Variants in PPFIA2 observed in about 807,000 individuals in gnomAD.
PPFIA2 encodes PPFI scaffold protein A2.
In PPFIA2, 46 loss-of-function variants were observed where a neutral mutation model predicts 175.5. The observed-to-expected ratio is 0.26, with a 90% CI of 0.21 to 0.34. The LOEUF (loss-of-function observed/expected upper bound fraction) is 0.34. Ranked by LOEUF, PPFIA2 falls within the 10% of genes least tolerant of loss-of-function variation. PPFIA2 has a pLI of 1.00. For synonymous variants in PPFIA2, 568 were observed against 511.4 expected (o/e 1.11, Z -1.49); for missense variants, 1,179 against 1,506.1 (o/e 0.78, Z 3.60).
intron 7 of PPFIA2, among the ~76,000 whole-genome samples, chr12:81,413,323 A>T (rs1333694330): frequency 6.6e-6 from 1 of 151,876 alleles, no homozygotes; most frequent in Non-Finnish European, 1.5e-5. Context: ...TGTTCACAGG[A>T]TGTATACATG....
chr12:81,699,373 A>G lies in PPFIA2; in HGVS notation c.250-22529T>C, dbSNP rs938324813. Among the ~76,000 whole-genome samples the G allele has an allele frequency of 4.0e-5, 6 of 151,870 alleles. No individual in the cohort carries two copies. In the South Asian group the frequency reaches 6.2e-4, roughly 16 times the overall value. ...ATTTTTAAATTTTCATGATTTCAAT[A>G]TTGTACAATTTTTGCAGAGATATTT... On this transcript the variant is annotated intron_variant, in intron 3 of 32. Coordinates refer to ENST00000549396, the MANE Select transcript of PPFIA2 (RefSeq NM_003625.5).
At chr12:81,437,980 G>A (rs912906576) in intron 7 of PPFIA2, among the ~76,000 whole-genome samples, 10 of 148,670 alleles carry the variant, frequency 6.7e-5, no homozygotes, top group African/African-American at 2.5e-4. Context: ...AGCTGAATCT[G>A]GTCATCAAAA....
At chr12:81,730,769 T>C (rs947856998) in intron 3 of PPFIA2, among the ~76,000 whole-genome samples, 8 of 151,652 alleles carry the variant, frequency 5.3e-5, no homozygotes, top group Non-Finnish European at 1.2e-4. Context: ...AATAATATTT[T>C]ATGTAAAGTT....
intron 4 of PPFIA2, among the ~76,000 whole-genome samples, chr12:81,567,111 A>G (rs1380104186): frequency 4.6e-5 from 7 of 152,204 alleles, no homozygotes; most frequent in South Asian, 4.1e-4. Flanking sequence ...CAGTGGCGCA[A>G]TCTCGGCTCA....
rs182562415 is a variant in PPFIA2 at position 81,704,949 on chromosome 12, T to A, written c.250-28105A>T. ...AAATACAAAAATTAGCTGGGCATGGTGGCACATGCCTGTAATCCCAGCTAC... is the reference window on the plus strand; with the variant it reads ...AAATACAAAAATTAGCTGGGCATGGAGGCACATGCCTGTAATCCCAGCTAC... On this transcript the variant is annotated intron_variant, in intron 3 of 32. Transcript: ENST00000549396. 1.4e-3 allele frequency among the ~76,000 whole-genome samples: 217 copies of A among 151,266 alleles called. 1 individual carries two copies. Among genetic ancestry groups the A allele is most frequent in the Admixed American group, 2.7e-3 (41 of 15,208 alleles).
chr12:81,410,727 T>C (rs563502417), intron 7 of PPFIA2, among the ~76,000 whole-genome samples: 3 of 152,012 alleles, frequency 2.0e-5, no homozygotes, highest in Non-Finnish European at 4.4e-5. Flanking sequence ...CCATGGCAAA[T>C]GGGTGGGCAC....
chr12:81,723,289 C>T (rs2079597245), intron 3 of PPFIA2, among the ~76,000 whole-genome samples: 1 of 151,000 alleles, frequency 6.6e-6, no homozygotes, highest in African/African-American at 2.4e-5. Flanking sequence ...ACACAGTTTG[C>T]CAGTCTACAG....
At chr12:81,408,019 T>C (rs1662675076) in intron 7 of PPFIA2, among the ~76,000 whole-genome samples, 2 of 152,126 alleles carry the variant, frequency 1.3e-5, no homozygotes, top group African/African-American at 2.4e-5. Flanking sequence ...GTGCAGGGTA[T>C]TCACTAAAAA....
At chr12:81,343,341 A>G (rs1189547228) in intron 19 of PPFIA2, among the ~76,000 whole-genome samples, 1 of 152,038 alleles carries the variant, frequency 6.6e-6, no homozygotes, top group Non-Finnish European at 1.5e-5. Flanking sequence ...AAACTTATAT[A>G]GTCTTTTTAA....
chr12:81,680,370 T>C (rs990287349), intron 3 of PPFIA2, among the ~76,000 whole-genome samples: 2 of 151,972 alleles, frequency 1.3e-5, no homozygotes, highest in Non-Finnish European at 2.9e-5. Flanking sequence ...GTTAGATAGT[T>C]TACATGACTC....
intron 4 of PPFIA2, among the ~76,000 whole-genome samples, chr12:81,497,762 C>G (rs2060187521): frequency 6.6e-6 from 1 of 152,110 alleles, no homozygotes; most frequent in Non-Finnish European, 1.5e-5. Context: ...TGGTCTCGAA[C>G]TCCTGACCTC....
chr12:81,485,841 G>C (rs923677691), intron 4 of PPFIA2, among the ~76,000 whole-genome samples: 15 of 151,728 alleles, frequency 9.9e-5, no homozygotes, highest in African/African-American at 3.4e-4. Context: ...AATGTTAAAT[G>C]TATAATAATA....
At chr12:81,564,352 G>A (rs535728279) in intron 4 of PPFIA2, among the ~76,000 whole-genome samples, 10 of 152,270 alleles carry the variant, frequency 6.6e-5, no homozygotes, top group African/African-American at 2.4e-4. Flanking sequence ...GATGCTCTGG[G>A]AGACACTTGC....
At chr12:81,293,998 G>A (rs1196997245) in intron 24 of PPFIA2, among the ~76,000 whole-genome samples, 1 of 150,272 alleles carries the variant, frequency 6.7e-6, no homozygotes, top group African/African-American at 2.4e-5. Context: ...CAACATAAAT[G>A]GAACTGGAGA....
At chr12:81,666,472 G>T (rs1001917731) in intron 4 of PPFIA2, among the ~76,000 whole-genome samples, 5 of 152,144 alleles carry the variant, frequency 3.3e-5, no homozygotes, top group Admixed American at 3.3e-4. Context: ...GGACACGGAT[G>T]AAGCTGGAAA....
intron 8 of PPFIA2, among the ~76,000 whole-genome samples, chr12:81,385,718 G>A (rs2038782005): frequency 1.3e-5 from 2 of 152,096 alleles, no homozygotes; most frequent in Non-Finnish European, 2.9e-5. Context: ...AAGGATAGCT[G>A]TGATGAGTTA....
At chr12:81,719,314 T>A (rs1483066128) in intron 3 of PPFIA2, among the ~76,000 whole-genome samples, 1 of 151,582 alleles carries the variant, frequency 6.6e-6, no homozygotes, top group Non-Finnish European at 1.5e-5. Flanking sequence ...CAAAGCCATA[T>A]CTTGTTTTCT....
intron 4 of PPFIA2, among the ~76,000 whole-genome samples, chr12:81,591,256 T>C (rs1481669001): frequency 1.3e-5 from 2 of 152,128 alleles, no homozygotes; most frequent in African/African-American, 4.8e-5. Context: ...AGAAGAAATT[T>C]CAAAGCAGCA....
At chr12:81,381,304 T>C (rs2037637466) in intron 9 of PPFIA2, among the ~76,000 whole-genome samples, 1 of 152,138 alleles carries the variant, frequency 6.6e-6, no homozygotes, top group South Asian at 2.1e-4. Flanking sequence ...TTAGAATGGA[T>C]TCTTAATAAA....
Sources: gnomAD v4.1 joint callset for allele counts (sites outside exome capture counted in the v4.1 genomes callset) on GRCh38, gnomAD v4.1.1 for gene constraint, MANE v1.5 for transcripts, NCBI Gene and HGNC (gene_info 2026-07-23, HGNC 2026-07-21) for gene names.